PTPRT: variants seen among roughly 807,000 people sequenced by gnomAD.
The protein encoded by PTPRT is protein tyrosine phosphatase receptor type T.
In PTPRT, 56 loss-of-function variants were observed where a neutral mutation model predicts 176.8. The ratio of observed to expected loss-of-function variants is 0.32; its 90% CI spans 0.26 to 0.40. The LOEUF is 0.40. Ranked by LOEUF, PTPRT falls within the 10% of genes least tolerant of loss-of-function variation. The pLI, the probability that PTPRT is intolerant of heterozygous loss-of-function variation, is 1.00. For missense variants in PTPRT, 1,540 were observed against 1,908.2 expected, an observed-to-expected ratio of 0.81 and a Z score of 3.60; for synonymous variants, 783 against 739.0, an observed-to-expected ratio of 1.06 and a Z score of -0.96.
At chr20:42,033,470 T>C in the PTPRT span, among the ~76,000 whole-genome samples, 1 of 152,288 alleles carries the variant, frequency 6.6e-6, no homozygotes, top group African/African-American at 2.4e-5. Flanking sequence ...GGGTTCTTTG[T>C]GGAGCTGCCA....
chr20:42,391,175 A>T (rs1367843137), intron 9 of PTPRT, among the ~76,000 whole-genome samples: 1 of 152,144 alleles, frequency 6.6e-6, no homozygotes, highest in Non-Finnish European at 1.5e-5. Flanking sequence ...TAAAAAGCAA[A>T]TGTCCTTTTC....
At chr20:42,047,934 C>T in the PTPRT span, among the ~76,000 whole-genome samples, 3 of 152,154 alleles carry the variant, frequency 2.0e-5, no homozygotes, top group African/African-American at 7.2e-5. Flanking sequence ...CTAGGCTCTG[C>T]TCTGGAAAAT....
At chr20:42,152,600 CT>C (rs1989184991) in intron 17 of PTPRT, among the ~76,000 whole-genome samples, 1 of 152,238 alleles carries the variant, frequency 6.6e-6, no homozygotes, top group African/African-American at 2.4e-5. Context: ...AAGTCTATAG[CT>C]TAATGGGAAA....
Position 43,064,156 on chromosome 20 carries a change from A to T in PTPRT, c.88+125490T>A, listed in dbSNP as rs1339977363. ...AGGATCCCTTGCAGTTAATTCCTAA[A>T]TTTACAACTGAATTCTAGCAGATGA... is the stretch of plus-strand genomic sequence containing the variant. On this transcript the variant is annotated intron_variant, in intron 1 of 30. Coordinates refer to ENST00000373187, the MANE Select transcript of PTPRT (RefSeq NM_007050.6). Among the ~76,000 whole-genome samples the T allele has an allele frequency of 2.0e-5, 3 of 152,150 alleles. No individual in the cohort carries two copies. In the East Asian group the frequency reaches 5.8e-4, roughly 29 times the overall value.
chr20:42,903,071 A>G (rs1448801266), intron 1 of PTPRT, among the ~76,000 whole-genome samples: 1 of 152,244 alleles, frequency 6.6e-6, no homozygotes, highest in Non-Finnish European at 1.5e-5. Context: ...GGCTCTTGAC[A>G]TGACATAATG....
intron 7 of PTPRT, among the ~76,000 whole-genome samples, chr20:42,488,869 TAGG>T (rs1034231036): frequency 2.6e-5 from 4 of 150,986 alleles, no homozygotes; most frequent in African/African-American, 9.7e-5. Flanking sequence ...GAGGCTGAGG[TAGG>T]AGAATTGCTT....
chr20:42,320,416 A>G (rs1458066445), intron 11 of PTPRT, among the ~76,000 whole-genome samples: 1 of 152,142 alleles, frequency 6.6e-6, no homozygotes, highest in Non-Finnish European at 1.5e-5. Flanking sequence ...TTCTATATCT[A>G]GAAAAGTTTC....
intron 1 of PTPRT, among the ~76,000 whole-genome samples, chr20:42,982,523 GC>G (rs1482968664): frequency 6.6e-6 from 1 of 152,198 alleles, no homozygotes; most frequent in Non-Finnish European, 1.5e-5. Flanking sequence ...TATAAAAAAA[GC>G]CAACCATTAG....
At chr20:42,614,043 A>C (rs1600473210) in intron 7 of PTPRT, among the ~76,000 whole-genome samples, 1 of 151,918 alleles carries the variant, frequency 6.6e-6, no homozygotes, top group Admixed American at 6.6e-5. Flanking sequence ...CTAGAAACTG[A>C]AAGTCCAAGA....
intron 1 of PTPRT, among the ~76,000 whole-genome samples, chr20:42,956,384 C>A (rs206659): frequency 0.018 from 2,750 of 152,134 alleles, 83 homozygotes; most frequent in African/African-American, 0.063. Context: ...AAGTTTGTGG[C>A]ACCTCCCCCA....
At chr20:42,652,846 C>G (rs2075056809) in intron 7 of PTPRT, among the ~76,000 whole-genome samples, 1 of 152,134 alleles carries the variant, frequency 6.6e-6, no homozygotes, top group African/African-American at 2.4e-5. Context: ...TGGCAACACT[C>G]AGACCTAACC....
chr20:42,032,146 G>A, the PTPRT span, among the ~76,000 whole-genome samples: 1 of 151,878 alleles, frequency 6.6e-6, no homozygotes, highest in Non-Finnish European at 1.5e-5. Flanking sequence ...AGTGAAATAG[G>A]CCTGGAAAAA....
intron 1 of PTPRT, among the ~76,000 whole-genome samples, chr20:43,069,022 G>A (rs1054153558): frequency 6.6e-6 from 1 of 152,180 alleles, no homozygotes; most frequent in Non-Finnish European, 1.5e-5. Context: ...ATGAGGTCAT[G>A]CATGCAGATA....
chr20:42,204,438 G>A (rs981360787), intron 15 of PTPRT, among the ~76,000 whole-genome samples: 2 of 152,012 alleles, frequency 1.3e-5, no homozygotes, highest in Admixed American at 6.6e-5. Context: ...TGAGATTTTT[G>A]CCAACTGGGT....
intron 1 of PTPRT, among the ~76,000 whole-genome samples, chr20:43,032,007 T>G (rs1032052115): frequency 3.9e-5 from 6 of 152,118 alleles, no homozygotes; most frequent in African/African-American, 1.4e-4. Context: ...ATAGGTGACC[T>G]GAGATTTGGG....
intron 6 of PTPRT, among the ~76,000 whole-genome samples, chr20:42,692,941 T>C (rs1269030816): frequency 6.6e-6 from 1 of 152,154 alleles, no homozygotes; most frequent in Non-Finnish European, 1.5e-5. Context: ...TGAAACTAGG[T>C]ACCACAATAA....
chr20:42,593,246 C>T (rs1295690103), intron 7 of PTPRT, among the ~76,000 whole-genome samples: 9 of 152,138 alleles, frequency 5.9e-5, no homozygotes, highest in East Asian at 1.9e-4. Context: ...CAAAATCCTC[C>T]GCACATCTTC....
Position 42,885,876 on chromosome 20 carries a change from T to A in PTPRT, c.145A>T (p.Thr49Ser). Residue 49 changes from threonine (T) to serine (S), a missense_variant, in exon 2 of 31, where the codon ACC becomes TCC. Transcript: ENST00000373187. ...SNCGYSVALG[T>S]NGFTWEQINT... The stretch of plus-strand genomic sequence containing the variant: ...ATCTGCTCCCAGGTGAACCCATTGG[T>A]CCCTAGAGCCACACTATAACCACAG... The A allele has an allele frequency of 6.2e-7, 1 of 1,611,140 alleles. No individual in the cohort carries two copies. The highest frequency in any genetic ancestry group is 8.5e-7 in the Non-Finnish European group (1 of 1,178,122).
At chr20:42,709,244 C>T (rs748179485) in intron 6 of PTPRT, among the ~76,000 whole-genome samples, 40 of 152,284 alleles carry the variant, frequency 2.6e-4, no homozygotes, top group African/African-American at 4.3e-4. Context: ...CAGTGTGTTA[C>T]GGATGTTTGT....
Sources: allele counts gnomAD v4.1 joint callset (sites outside exome capture counted in the v4.1 genomes callset), GRCh38; gene constraint gnomAD v4.1.1; transcripts MANE v1.5; gene names NCBI Gene and HGNC (gene_info 2026-07-23, HGNC 2026-07-21).